PKNOX2: variants seen among roughly 807,000 people sequenced by gnomAD.
PKNOX2 encodes homeobox protein PKNOX2.
PKNOX2 carries 14 observed loss-of-function variants against 53.1 expected under a neutral mutation model. That is an observed-to-expected ratio of 0.26 (90% CI 0.17 to 0.41). The LOEUF (loss-of-function observed/expected upper bound fraction) is 0.41, where lower values mean the gene tolerates loss of function less well. Among genes scored for constraint, PKNOX2 ranks in the 10% least tolerant of loss-of-function variants. The probability of loss-of-function intolerance (pLI) is 1.00; values close to 1 mark genes in which losing one functional copy is unlikely to be tolerated. For missense variants in PKNOX2, 496 were observed against 602.8 expected (o/e 0.82, Z 1.85); for synonymous variants, 257 against 242.8 (o/e 1.06, Z -0.54).
chr11:125,385,846 CATGCACTAGAT>C, intron 6 of PKNOX2, 124 bp downstream of exon 6: 1 of 1,155,682 alleles, frequency 8.7e-7, no homozygotes, highest in Non-Finnish European at 1.2e-6. Context: ...CACCATGAGT[CATGCACTAGAT>C]GCACCAGTCT....
Position 125,211,714 on chromosome 11 carries a change from G to A in PKNOX2, c.-200-23331G>A, listed in dbSNP as rs558335468. 3.4e-4 allele frequency among the ~76,000 whole-genome samples: 51 copies of A among 152,198 alleles called. 1 individual carries two copies. Among genetic ancestry groups the A allele is most frequent in the Admixed American group, 2.2e-3 (33 of 15,296 alleles). ...GAGCCGGCTGCTCGGGAGAGAGCTG[G>A]TGCCTGCTTTGGGCTGCAGGGGGAG... On this transcript the variant is annotated intron_variant, in intron 1 of 12. Transcript: ENST00000298282.
chr11:125,277,721 T>C (rs1299724323), intron 2 of PKNOX2: 1 of 152,206 alleles, frequency 6.6e-6, no homozygotes, highest in African/African-American at 2.4e-5. Flanking sequence ...AGGGAAATTA[T>C]AGTTAACAAT....
At chr11:125,427,357 C>T (rs1157369964) in intron 10 of PKNOX2, among the ~76,000 whole-genome samples, 1 of 152,188 alleles carries the variant, frequency 6.6e-6, no homozygotes, top group Non-Finnish European at 1.5e-5. Flanking sequence ...TGGTCAGGGT[C>T]AGAGGTTTGA....
At position 125,302,849 on chromosome 11, in the gene PKNOX2, A is replaced by G. The variant is rs921997329; in HGVS notation, c.-129-28970A>G. 2.6e-5 allele frequency among the ~76,000 whole-genome samples: 4 copies of G among 152,318 alleles called. No individual in the cohort carries two copies. The East Asian group carries it at 5.8e-4, about 22-fold the overall frequency. On this transcript the variant is annotated intron_variant, in intron 2 of 12. Transcript: ENST00000298282. ...CTCGGAGGGCAGAGAAAAGTCAGGC[A>G]ATACCTGAGCTGGGAGAATCCTTGG...
At chr11:125,288,217 G>A (rs1265298842) in intron 2 of PKNOX2, 2 of 152,248 alleles carry the variant, frequency 1.3e-5, no homozygotes, top group Non-Finnish European at 2.9e-5. Context: ...ATTAGGAGGG[G>A]CCTTAGATCT....
intron 1 of PKNOX2, among the ~76,000 whole-genome samples, chr11:125,201,320 G>A (rs1938409801): frequency 6.6e-6 from 1 of 152,122 alleles, no homozygotes; most frequent in African/African-American, 2.4e-5. Flanking sequence ...GGCCTGATGA[G>A]CTCTTCAGAA....
intron 2 of PKNOX2, among the ~76,000 whole-genome samples, chr11:125,322,533 C>T (rs1949578784): frequency 6.6e-6 from 1 of 152,210 alleles, no homozygotes; most frequent in African/African-American, 2.4e-5. Flanking sequence ...TTCCCCGCCC[C>T]ACCCAGGATG....
At chr11:125,205,725 A>C (rs1047903583) in intron 1 of PKNOX2, among the ~76,000 whole-genome samples, 2 of 152,006 alleles carry the variant, frequency 1.3e-5, no homozygotes, top group African/African-American at 2.4e-5. Context: ...ACTTCCCCAG[A>C]CTGTGTTAAA....
At chr11:125,376,718 A>T (rs1437948054) in intron 5 of PKNOX2, among the ~76,000 whole-genome samples, 1 of 152,140 alleles carries the variant, frequency 6.6e-6, no homozygotes. Context: ...TCAAAAATGT[A>T]TTGATCCTCT....
At chr11:125,398,127 G>T (rs1037692682) in intron 7 of PKNOX2, 65 bp downstream of exon 7, 15 of 1,489,136 alleles carry the variant, frequency 1.0e-5, no homozygotes, top group South Asian at 9.3e-5. Context: ...GGAGCCACGC[G>T]TGGAGGAAGG....
At chr11:125,189,770 A>T (rs902069845) in intron 1 of PKNOX2, among the ~76,000 whole-genome samples, 2 of 150,622 alleles carry the variant, frequency 1.3e-5, no homozygotes, top group African/African-American at 4.9e-5. Context: ...CAACTCCAAA[A>T]TTTTTTCGGT....
At chr11:125,186,925 C>T (rs561855411) in intron 1 of PKNOX2, among the ~76,000 whole-genome samples, 2 of 152,220 alleles carry the variant, frequency 1.3e-5, no homozygotes, top group South Asian at 2.1e-4. Context: ...TATTCTTTTG[C>T]GTATGGAAAT....
chr11:125,176,552 G>A (rs1309544878), intron 1 of PKNOX2, among the ~76,000 whole-genome samples: 1 of 152,184 alleles, frequency 6.6e-6, no homozygotes. Flanking sequence ...GATCTTGGAG[G>A]ACATCCTGGA....
chr11:125,341,673 C>G (rs1950693664), intron 3 of PKNOX2, among the ~76,000 whole-genome samples: 1 of 152,238 alleles, frequency 6.6e-6, no homozygotes, highest in Non-Finnish European at 1.5e-5. Flanking sequence ...CTTCATGGAA[C>G]AGTAGGCTTT....
chr11:125,205,058 T>C (rs1938923283), intron 1 of PKNOX2, among the ~76,000 whole-genome samples: 1 of 152,246 alleles, frequency 6.6e-6, no homozygotes, highest in Non-Finnish European at 1.5e-5. Flanking sequence ...GAACCCAGCA[T>C]CGTGCTGAGC....
intron 3 of PKNOX2, 22 bp from the exon 4 acceptor site, chr11:125,351,262 G>GC: frequency 3.0e-6 from 3 of 987,244 alleles, no homozygotes; most frequent in Non-Finnish European, 4.8e-6. Flanking sequence ...TAACGGTGCG[G>GC]CCCCCTTTCT....
chr11:125,367,861 C>A lies in PKNOX2; in HGVS notation c.103C>A (p.Gln35Lys), dbSNP rs1387649370. 2 of 1,612,244 alleles carry A rather than the reference C, an allele frequency of 1.2e-6. No homozygotes were observed. The highest frequency in any genetic ancestry group is 1.7e-6 in the Non-Finnish European group (2 of 1,179,490). ...QDSPQMTATA[Q>K]PPSKAQAVHI... ...CTCTCTGCAGATGACGGCAACCGCC[C>A]AGCCACCCTCCAAGGCCCAGGCTGT... The change falls in exon 5 of 13, where the codon CAG becomes AAG. Residue 35 changes from glutamine (Q) to lysine (K), a missense_variant. By Grantham distance (53) the Gln-to-Lys change is moderately conservative (BLOSUM62 1). Around this residue, in one of 5 missense-constraint regions of PKNOX2, gnomAD observed 168 missense variants for 178.4 expected, o/e 0.94. Transcript: ENST00000298282.
Position 125,230,526 on chromosome 11 carries a change from GT to G in PKNOX2, c.-200-4516del, listed in dbSNP as rs1352539283. Among the ~76,000 whole-genome samples, 3 of 152,148 alleles carry G rather than the reference GT, an allele frequency of 2.0e-5. No individual in the cohort carries two copies. The East Asian group carries it at 5.8e-4, about 29-fold the overall frequency. ...AATCAGATTTTTCCACCAAAGTTTT[GT>G]TTCTCTTCTGGAAGGTTGGCTTATA... On this transcript the variant is annotated intron_variant, in intron 1 of 12. Coordinates refer to ENST00000298282, the MANE Select transcript of PKNOX2 (RefSeq NM_001382323.2).
At chr11:125,245,633 G>A (rs1335684097) in intron 2 of PKNOX2, among the ~76,000 whole-genome samples, 1 of 152,218 alleles carries the variant, frequency 6.6e-6, no homozygotes, top group African/African-American at 2.4e-5. Flanking sequence ...GCTTATCCTG[G>A]GACTTCTGGG....
Sources: allele counts gnomAD v4.1 joint callset (sites outside exome capture counted in the v4.1 genomes callset), GRCh38; gene constraint gnomAD v4.1.1; regional missense constraint gnomAD v4.1.1; transcripts MANE v1.5; gene names NCBI Gene and HGNC (gene_info 2026-07-23, HGNC 2026-07-21).